TRPM3: variants seen among roughly 807,000 people sequenced by gnomAD.
TRPM3 encodes long transient receptor potential channel 3.
A neutral mutation model predicts 181.2 loss-of-function variants in TRPM3; 77 were observed. The observed-to-expected ratio is 0.42, with a 90% CI of 0.35 to 0.51. TRPM3 has a LOEUF of 0.51. TRPM3 is among the 20% of genes least tolerant of loss of function. The probability of loss-of-function intolerance (pLI) is 0.01; values close to 1 mark genes in which losing one functional copy is unlikely to be tolerated. For synonymous variants in TRPM3, 745 were observed against 796.4 expected (o/e 0.94, Z 1.09); for missense variants, 1,759 against 2,196.7 (o/e 0.80, Z 3.98).
At chr9:70,967,219 G>A (rs929345956) in intron 1 of TRPM3, among the ~76,000 whole-genome samples, 16 of 151,906 alleles carry the variant, frequency 1.1e-4, no homozygotes, top group African/African-American at 3.4e-4. Flanking sequence ...TCTTAGAGAC[G>A]ACTCTAAAGT....
chr9:71,062,475 C>CA (rs2061438835), intron 1 of TRPM3, among the ~76,000 whole-genome samples: 1 of 152,068 alleles, frequency 6.6e-6, no homozygotes, highest in Non-Finnish European at 1.5e-5. Context: ...TAAAACCATA[C>CA]AAAAACAGAT....
At chr9:71,240,069 A>C (rs193158221) in intron 1 of TRPM3, among the ~76,000 whole-genome samples, 2 of 152,334 alleles carry the variant, frequency 1.3e-5, no homozygotes, top group Admixed American at 1.3e-4. Flanking sequence ...GGATTAACTA[A>C]AGAGAACCTA....
chr9:71,344,476 G>C (rs2091174397), intron 1 of TRPM3, among the ~76,000 whole-genome samples: 1 of 151,916 alleles, frequency 6.6e-6, no homozygotes, highest in African/African-American at 2.4e-5. Context: ...ACTGGAGCGA[G>C]AAACATCAAT....
At chr9:70,758,516 T>A (rs1177119282) in intron 8 of TRPM3, among the ~76,000 whole-genome samples, 2 of 152,188 alleles carry the variant, frequency 1.3e-5, no homozygotes. Flanking sequence ...AGAGCCCACA[T>A]AGCCAAGACA....
chr9:70,695,755 C>A (rs1262790950), intron 8 of TRPM3, among the ~76,000 whole-genome samples: 2 of 152,202 alleles, frequency 1.3e-5, no homozygotes, highest in East Asian at 3.8e-4. Context: ...TGACTTCATC[C>A]AATCCCACAA....
chr9:70,576,884 C>G (rs2054163749), intron 22 of TRPM3, among the ~76,000 whole-genome samples: 1 of 152,186 alleles, frequency 6.6e-6, no homozygotes, highest in East Asian at 1.9e-4. Flanking sequence ...CCAGACCATT[C>G]CTACCACATG....
At chr9:71,198,184 A>G (rs1308629187) in intron 1 of TRPM3, among the ~76,000 whole-genome samples, 2 of 151,676 alleles carry the variant, frequency 1.3e-5, no homozygotes, top group South Asian at 2.1e-4. Context: ...ATAGTTGTAG[A>G]TATGTGGTGT....
intron 1 of TRPM3, among the ~76,000 whole-genome samples, chr9:71,350,161 G>A (rs533318699): frequency 5.9e-5 from 9 of 152,046 alleles, no homozygotes; most frequent in Admixed American, 2.6e-4. Flanking sequence ...GAAATCATGA[G>A]ATGTTTCCAC....
chr9:70,581,633 A>G (rs953632810), intron 22 of TRPM3, among the ~76,000 whole-genome samples: 1 of 152,218 alleles, frequency 6.6e-6, no homozygotes, highest in African/African-American at 2.4e-5. Flanking sequence ...CACGTTATTC[A>G]GAAGGGGTGT....
intron 1 of TRPM3, among the ~76,000 whole-genome samples, chr9:71,325,762 A>G (rs1367303918): frequency 1.3e-5 from 2 of 151,998 alleles, no homozygotes; most frequent in Non-Finnish European, 2.9e-5. Flanking sequence ...CCACCCACAC[A>G]CACACACACA....
intron 8 of TRPM3, among the ~76,000 whole-genome samples, chr9:70,683,815 T>C (rs894301437): frequency 6.6e-6 from 1 of 152,204 alleles, no homozygotes; most frequent in Non-Finnish European, 1.5e-5. Context: ...TTCTATCCTC[T>C]GAACTCAGGA....
chr9:70,762,763 C>T (rs1220060888), intron 7 of TRPM3, among the ~76,000 whole-genome samples: 1 of 152,128 alleles, frequency 6.6e-6, no homozygotes, highest in Admixed American at 6.6e-5. Flanking sequence ...CCAGAAAGAG[C>T]CCAATGTTTA....
intron 4 of TRPM3, among the ~76,000 whole-genome samples, chr9:70,845,603 C>T (rs6560162): frequency 0.57 from 86,272 of 152,074 alleles, 24,841 homozygotes; most frequent in Non-Finnish European, 0.58. Context: ...CCATTAATTA[C>T]GAATGTATCC....
At chr9:70,655,305 C>CAAA (rs1169901529) in intron 9 of TRPM3, among the ~76,000 whole-genome samples, 4,519 of 33,162 alleles carry the variant, frequency 0.14, 660 homozygotes, top group South Asian at 0.18. Context: ...GACTCCGTCT[C>CAAA]AAAAAAAAAA....
At chr9:71,262,627 C>G (rs1057388805) in intron 1 of TRPM3, among the ~76,000 whole-genome samples, 16 of 152,220 alleles carry the variant, frequency 1.1e-4, no homozygotes, top group Admixed American at 1.3e-4. Context: ...AATGACCTCC[C>G]AGTTTTGTGC....
At chr9:70,960,986 C>G (rs188438808) in intron 1 of TRPM3, among the ~76,000 whole-genome samples, 279 of 152,240 alleles carry the variant, frequency 1.8e-3, no homozygotes, top group African/African-American at 6.3e-3. Context: ...GTACAGATGT[C>G]CACACCTATC....
chr9:71,301,286 G>A (rs2086748160), intron 1 of TRPM3, among the ~76,000 whole-genome samples: 1 of 152,138 alleles, frequency 6.6e-6, no homozygotes, highest in Non-Finnish European at 1.5e-5. Flanking sequence ...GGTATTATGA[G>A]TAATTTTGTA....
At chr9:70,896,863 A>G (rs2096285415) in intron 1 of TRPM3, among the ~76,000 whole-genome samples, 1 of 144,750 alleles carries the variant, frequency 6.9e-6, no homozygotes, top group Non-Finnish European at 1.5e-5. Flanking sequence ...CCTCTAGTTT[A>G]CAATCATTTT....
chr9:70,979,749 A>AT (rs1300687272), intron 1 of TRPM3, among the ~76,000 whole-genome samples: 1 of 152,078 alleles, frequency 6.6e-6, no homozygotes, highest in Non-Finnish European at 1.5e-5. Flanking sequence ...ACAGAAATTT[A>AT]TTTTCTCACA....
Sources: gnomAD v4.1 joint callset for allele counts (sites outside exome capture counted in the v4.1 genomes callset) on GRCh38, gnomAD v4.1.1 for gene constraint, MANE v1.5 for transcripts, NCBI Gene and HGNC (gene_info 2026-07-23, HGNC 2026-07-21) for gene names.